The following ADGRL4 variants were observed in gnomAD, a reference collection of about 807,000 sequenced individuals.
The protein encoded by ADGRL4 is EGF, latrophilin and seven transmembrane domain containing 1.
In ADGRL4, 90 loss-of-function variants were observed where a neutral mutation model predicts 74.8. The ratio of observed to expected loss-of-function variants is 1.20; its 90% CI spans 1.02 to 1.43. ADGRL4 has a LOEUF of 1.43. ADGRL4 is among the 40% of genes most tolerant of loss of function. The pLI, the probability that ADGRL4 is intolerant of heterozygous loss-of-function variation, is 0.00. For missense variants in ADGRL4, 881 were observed against 814.3 expected (o/e 1.08, Z -1.00); for synonymous variants, 311 against 279.2 (o/e 1.11, Z -1.14).
At chr1:78,912,730 G>T (rs1648789324) in intron 12 of ADGRL4, among the ~76,000 whole-genome samples, 2 of 151,746 alleles carry the variant, frequency 1.3e-5, no homozygotes, top group African/African-American at 4.8e-5. Flanking sequence ...AACAGGACCT[G>T]AGGCTATACC....
chr1:78,905,799 T>C (rs984610580), intron 12 of ADGRL4, among the ~76,000 whole-genome samples: 7 of 152,050 alleles, frequency 4.6e-5, no homozygotes, highest in Non-Finnish European at 1.0e-4. Context: ...AAATCCCAGG[T>C]ATCTTTAATA....
Position 79,005,085 on chromosome 1 carries a change from C to T in ADGRL4, c.157G>A (p.Val53Ile). The change falls in exon 2 of 15, where the codon GTC becomes ATC. Residue 53 changes from valine to isoleucine, a missense_variant. Transcript: ENST00000370742. ...GCTTGTTTACCTTCACAAATTGTGA[C>T]ACCATTTCCTGAAAATCCCATGTTG... is the stretch of plus-strand genomic sequence containing the variant. ...YCNMGFSGNGVTICEDDNECG... is the reference protein window; with the variant it reads ...YCNMGFSGNGITICEDDNECG... 3.7e-6 allele frequency: 6 copies of T among 1,612,000 alleles called. No individual in the cohort carries two copies. Among genetic ancestry groups the T allele is most frequent in the Non-Finnish European group, 5.1e-6 (6 of 1,179,224 alleles).
At chr1:78,926,235 G>C (rs1649112096) in intron 8 of ADGRL4, among the ~76,000 whole-genome samples, 1 of 152,042 alleles carries the variant, frequency 6.6e-6, no homozygotes, top group East Asian at 1.9e-4. Context: ...AAATTCTGTT[G>C]AAAGTTTAAG....
chr1:78,898,660 G>A (rs564788238), intron 12 of ADGRL4, among the ~76,000 whole-genome samples: 5 of 152,012 alleles, frequency 3.3e-5, no homozygotes, highest in African/African-American at 1.2e-4. Flanking sequence ...AAAAATAGCT[G>A]TGAAGAAAAA....
At chr1:78,953,799 A>T (rs1649776895) in intron 2 of ADGRL4, among the ~76,000 whole-genome samples, 2 of 152,158 alleles carry the variant, frequency 1.3e-5, no homozygotes, top group Non-Finnish European at 2.9e-5. Flanking sequence ...TGAACACATA[A>T]CACAAGTGCT....
chr1:78,918,410 T>A (rs1378255836), intron 10 of ADGRL4, among the ~76,000 whole-genome samples: 3 of 151,912 alleles, frequency 2.0e-5, no homozygotes, highest in Non-Finnish European at 2.9e-5. Flanking sequence ...TGGAGATGCC[T>A]CTCTTTTCCT....
intron 12 of ADGRL4, among the ~76,000 whole-genome samples, chr1:78,894,806 A>G (rs1648360388): frequency 6.6e-6 from 1 of 151,948 alleles, no homozygotes; most frequent in Non-Finnish European, 1.5e-5. Flanking sequence ...CTTAGAAGAT[A>G]AAGTAAATGA....
At chr1:78,944,348 G>A (rs1385853326) in intron 3 of ADGRL4, among the ~76,000 whole-genome samples, 1 of 152,112 alleles carries the variant, frequency 6.6e-6, no homozygotes, top group Admixed American at 6.6e-5. Context: ...CTGCATATTA[G>A]AACTGAACTA....
chr1:78,985,720 G>A (rs965443841), intron 2 of ADGRL4, among the ~76,000 whole-genome samples: 1 of 151,784 alleles, frequency 6.6e-6, no homozygotes, highest in East Asian at 1.9e-4. Context: ...ATACATGCAT[G>A]CGTATGTTTA....
chr1:78,989,572 T>C (rs1034679525), intron 2 of ADGRL4, among the ~76,000 whole-genome samples: 4 of 151,784 alleles, frequency 2.6e-5, no homozygotes, highest in Non-Finnish European at 4.4e-5. Flanking sequence ...TCTAGGTATG[T>C]CCCGAAGTGC....
intron 3 of ADGRL4, among the ~76,000 whole-genome samples, chr1:78,941,549 A>G (rs371641565): frequency 2.0e-5 from 3 of 150,222 alleles, no homozygotes; most frequent in African/African-American, 7.4e-5. Context: ...TTTTCTCTCA[A>G]TTTCAATCCC....
intron 8 of ADGRL4, among the ~76,000 whole-genome samples, chr1:78,926,377 G>C (rs1233132049): frequency 6.7e-6 from 1 of 148,190 alleles, no homozygotes; most frequent in Admixed American, 6.6e-5. Flanking sequence ...AATTATGTAT[G>C]AGTCTGAAAA....
At chr1:78,952,702 A>G (rs992206058) in intron 2 of ADGRL4, among the ~76,000 whole-genome samples, 1 of 152,176 alleles carries the variant, frequency 6.6e-6, no homozygotes, top group African/African-American at 2.4e-5. Flanking sequence ...AAATTCATCA[A>G]ATGAAAGTGT....
chr1:78,908,894 C>A (rs10518591), intron 12 of ADGRL4, among the ~76,000 whole-genome samples: 1 of 151,664 alleles, frequency 6.6e-6, no homozygotes, highest in Non-Finnish European at 1.5e-5. Flanking sequence ...GAAGGTATTT[C>A]CAGTAAGAAT....
At chr1:78,901,301 C>T (rs1236920439) in intron 12 of ADGRL4, among the ~76,000 whole-genome samples, 1 of 152,112 alleles carries the variant, frequency 6.6e-6, no homozygotes, top group Non-Finnish European at 1.5e-5. Context: ...AGTGGAAAAC[C>T]CCAAGGATGT....
At chr1:78,930,248 A>T (rs1226947024) in intron 7 of ADGRL4, among the ~76,000 whole-genome samples, 5 of 150,944 alleles carry the variant, frequency 3.3e-5, no homozygotes, top group Non-Finnish European at 7.4e-5. Flanking sequence ...GAAAATAGGA[A>T]ATATTATTAT....
rs758186601 is a variant in ADGRL4, at chr1:78,920,956, G to A, written c.1258-570C>T. Among the ~76,000 whole-genome samples, 7 of 151,544 alleles carry A rather than the reference G, an allele frequency of 4.6e-5. 1 individual carries two copies. The highest frequency in any genetic ancestry group is 1.0e-4 in the Non-Finnish European group (7 of 67,800). ...TAAGTTCAGGAAAAAATCATTGTTA[G>A]GACTGACATTATGTTCAGGTAGATT... On this transcript the variant is annotated intron_variant, in intron 9 of 14. Transcript: ENST00000370742.
chr1:78,899,913 C>A (rs1648483442), intron 12 of ADGRL4, among the ~76,000 whole-genome samples: 2 of 152,130 alleles, frequency 1.3e-5, no homozygotes, highest in East Asian at 1.9e-4. Context: ...TTCCTGGAAC[C>A]TGTGAATATG....
chr1:78,937,209 C>A (rs1318944668), intron 6 of ADGRL4, among the ~76,000 whole-genome samples: 1 of 152,138 alleles, frequency 6.6e-6, no homozygotes, highest in Non-Finnish European at 1.5e-5. Flanking sequence ...CTTTAGGAGA[C>A]CGAGGCAAGT....
Sources: allele counts gnomAD v4.1 joint callset (sites outside exome capture counted in the v4.1 genomes callset), GRCh38; gene constraint gnomAD v4.1.1; transcripts MANE v1.5; gene names NCBI Gene and HGNC (gene_info 2026-07-23, HGNC 2026-07-21).